The following MAP4K3 variants were observed in gnomAD, a reference collection of about 807,000 sequenced individuals.
MAP4K3 encodes the protein MAPK/ERK kinase kinase kinase 3.
MAP4K3 carries 94 observed loss-of-function variants against 143.5 expected under a neutral mutation model. The observed-to-expected ratio is 0.65, with a 90% CI of 0.55 to 0.78. The LOEUF (loss-of-function observed/expected upper bound fraction) is 0.78, where lower values mean the gene tolerates loss of function less well. Among genes scored for constraint, MAP4K3 ranks in the 30% least tolerant of loss-of-function variants. The pLI is 0.00. For synonymous variants in MAP4K3, 416 were observed against 347.2 expected (o/e 1.20, Z -2.20); for missense variants, 1,077 against 1,068.1 (o/e 1.01, Z -0.12).
intron 1 of MAP4K3, among the ~76,000 whole-genome samples, chr2:39,401,172 G>A (rs768451452): frequency 2.0e-5 from 3 of 152,082 alleles, no homozygotes; most frequent in Non-Finnish European, 2.9e-5. Flanking sequence ...GCTAGAATTC[G>A]TAGGACAGAG....
At position 39,295,503 on chromosome 2, in the gene MAP4K3, T is replaced by C. The variant is rs78923178; in HGVS notation, c.1179-2235A>G. Among the ~76,000 whole-genome samples, 843 of 152,208 alleles carry C rather than the reference T, an allele frequency of 5.5e-3. 5 individuals carry two copies. Among genetic ancestry groups the C allele is most frequent in the Non-Finnish European group, 8.6e-3 (588 of 67,990 alleles). ...ACCAAATATTTGAGAAGTGCTGCTTTAAACTATTTTACCAAATTAAACATA... is the reference window on the plus strand; with the variant it reads ...ACCAAATATTTGAGAAGTGCTGCTTCAAACTATTTTACCAAATTAAACATA... On this transcript the variant is annotated intron_variant, in intron 16 of 33. Transcript: ENST00000263881.
intron 2 of MAP4K3, among the ~76,000 whole-genome samples, chr2:39,376,901 T>C (rs947718469): frequency 4.6e-5 from 7 of 152,200 alleles, no homozygotes; most frequent in African/African-American, 1.7e-4. Flanking sequence ...CTTAAATTTC[T>C]TATGAATTGA....
chr2:39,322,086 C>T (rs993272169), intron 12 of MAP4K3, among the ~76,000 whole-genome samples: 6 of 152,108 alleles, frequency 3.9e-5, no homozygotes, highest in African/African-American at 1.2e-4. Flanking sequence ...TTCCACCTAA[C>T]GAGAAACACC....
intron 3 of MAP4K3, among the ~76,000 whole-genome samples, chr2:39,347,664 T>C (rs538897989): frequency 1.3e-4 from 20 of 152,256 alleles, no homozygotes; most frequent in Admixed American, 3.3e-4. Context: ...AATTAACTTG[T>C]AAATTAACTT....
At chr2:39,308,228 T>C (rs1682790091) in intron 14 of MAP4K3, among the ~76,000 whole-genome samples, 1 of 152,180 alleles carries the variant, frequency 6.6e-6, no homozygotes, top group Admixed American at 6.5e-5. Context: ...ATACAGGCAA[T>C]GCCAACTTAC....
intron 15 of MAP4K3, among the ~76,000 whole-genome samples, chr2:39,305,830 ATT>A (rs1227094657): frequency 1.7e-4 from 25 of 144,620 alleles, no homozygotes; most frequent in South Asian, 2.2e-4. Flanking sequence ...AGTATTTGTA[ATT>A]TTTTTTTTTT....
At chr2:39,264,646 G>A (rs900078934) in intron 28 of MAP4K3, among the ~76,000 whole-genome samples, 2 of 152,122 alleles carry the variant, frequency 1.3e-5, no homozygotes, top group African/African-American at 2.4e-5. Context: ...AATTAACTGA[G>A]CCTGTACTTC....
At chr2:39,332,019 A>T in intron 7 of MAP4K3, 30 bp from the exon 8 acceptor site, 2 of 1,262,538 alleles carry the variant, frequency 1.6e-6, no homozygotes, top group Non-Finnish European at 2.2e-6. Context: ...ACATTTAGGA[A>T]ACTGAGAGAA....
At chr2:39,430,376 A>G (rs1665247509) in intron 1 of MAP4K3, among the ~76,000 whole-genome samples, 1 of 152,234 alleles carries the variant, frequency 6.6e-6, no homozygotes, top group South Asian at 2.1e-4. Context: ...TAGGCAGTAC[A>G]TTATTACATT....
chr2:39,302,395 C>CTCATTTAATAGGTG (rs1682547607), intron 15 of MAP4K3, among the ~76,000 whole-genome samples: 1 of 152,108 alleles, frequency 6.6e-6, no homozygotes, highest in South Asian at 2.1e-4. Flanking sequence ...TTTAATACAA[C>CTCATTTAATAGGTG]CATTGTTTAC....
At chr2:39,373,459 T>G (rs1227818506) in intron 2 of MAP4K3, among the ~76,000 whole-genome samples, 1 of 151,918 alleles carries the variant, frequency 6.6e-6, no homozygotes, top group Non-Finnish European at 1.5e-5. Context: ...AGAAAGGAAA[T>G]GAGTATATCA....
At chr2:39,319,229 CT>C (rs34371183) in intron 12 of MAP4K3, among the ~76,000 whole-genome samples, 554 of 145,458 alleles carry the variant, frequency 3.8e-3, no homozygotes, top group Middle Eastern at 7.1e-3. Context: ...CAATTACATA[CT>C]TTTTTTTTTT....
intron 4 of MAP4K3, among the ~76,000 whole-genome samples, chr2:39,338,785 G>A (rs758292637): frequency 6.6e-6 from 1 of 152,164 alleles, no homozygotes; most frequent in Non-Finnish European, 1.5e-5. Context: ...TTCAAGCAGT[G>A]TCTACTCTTT....
Position 39,343,386 on chromosome 2 carries a change from A to G in MAP4K3, c.310+2T>C. On this transcript the variant is annotated splice_donor_variant, in intron 4 of 33. Coordinates refer to ENST00000263881, the MANE Select transcript of MAP4K3 (RefSeq NM_003618.4). LOFTEE classifies it high-confidence loss of function. ...CCTATAAAAATACAACTTTGGTCTTACCGTGATAAATATCCTGTAAAGAAC... is the reference window on the plus strand; with the variant it reads ...CCTATAAAAATACAACTTTGGTCTTGCCGTGATAAATATCCTGTAAAGAAC... 3 of 1,610,678 alleles carry G rather than the reference A, an allele frequency of 1.9e-6. No homozygotes were observed. The highest frequency in any genetic ancestry group is 2.5e-6 in the Non-Finnish European group (3 of 1,177,432).
chr2:39,343,813 T>C (rs1558657071), intron 3 of MAP4K3, among the ~76,000 whole-genome samples: 1 of 152,176 alleles, frequency 6.6e-6, no homozygotes, highest in Non-Finnish European at 1.5e-5. Context: ...ACTACTTTGA[T>C]AGCACTCTCA....
At chr2:39,251,716 T>C in intron 33 of MAP4K3, 114 bp downstream of exon 33, 3 of 841,054 alleles carry the variant, frequency 3.6e-6, no homozygotes, top group South Asian at 1.8e-5. Flanking sequence ...GTGTGAAAAA[T>C]TCAATGTTGA....
intron 32 of MAP4K3, 27 bp from the exon 33 acceptor site, chr2:39,251,912 T>A: frequency 6.4e-7 from 1 of 1,573,834 alleles, no homozygotes; most frequent in Non-Finnish European, 8.7e-7. Context: ...CAAATTTAAT[T>A]TCTGAAATTA....
intron 2 of MAP4K3, among the ~76,000 whole-genome samples, chr2:39,356,945 G>A (rs190727452): frequency 2.0e-5 from 3 of 152,288 alleles, no homozygotes; most frequent in Non-Finnish European, 4.4e-5. Context: ...TATCTCCACA[G>A]GCTGTTTGTA....
chr2:39,429,966 T>A (rs760376703), intron 1 of MAP4K3, among the ~76,000 whole-genome samples: 6 of 152,246 alleles, frequency 3.9e-5, no homozygotes, highest in Non-Finnish European at 5.9e-5. Flanking sequence ...GATTCATTTA[T>A]ACAAAGTTCT....
Sources: gnomAD v4.1 joint callset for allele counts (sites outside exome capture counted in the v4.1 genomes callset) on GRCh38, gnomAD v4.1.1 for gene constraint, MANE v1.5 for transcripts, NCBI Gene and HGNC (gene_info 2026-07-23, HGNC 2026-07-21) for gene names.